The following ABCC1 variants were observed in gnomAD, a reference collection of about 807,000 sequenced individuals.
ABCC1 encodes multidrug resistance-associated protein 1.
ABCC1 carries 83 observed loss-of-function variants against 172.9 expected under a neutral mutation model. The observed-to-expected ratio is 0.48, with a 90% confidence interval of 0.40 to 0.58. The LOEUF (loss-of-function observed/expected upper bound fraction) is 0.58. ABCC1 is among the 20% of genes least tolerant of loss of function. The probability of loss-of-function intolerance (pLI) is 0.00; values close to 1 mark genes in which losing one functional copy is unlikely to be tolerated. For synonymous variants in ABCC1, 937 were observed against 825.2 expected (o/e 1.14, Z -2.32); for missense variants, 1,817 against 2,002.7 (o/e 0.91, Z 1.77).
At chr16:16,088,124 CGTGTGTGTGTGTGTGT>C (rs60633005) in intron 18 of ABCC1, among the ~76,000 whole-genome samples, 1 of 126,722 alleles carries the variant, frequency 7.9e-6, no homozygotes, top group African/African-American at 2.5e-5. Context: ...TGTGTGTATG[CGTGTGTGTGTGTGTGT>C]GTGTGTGTGT....
intron 12 of ABCC1, among the ~76,000 whole-genome samples, chr16:16,057,929 A>G (rs1429183493): frequency 6.6e-6 from 1 of 152,042 alleles, no homozygotes; most frequent in African/African-American, 2.4e-5. Context: ...GTGCACTGCT[A>G]CCACTCCCAG....
chr16:16,006,878 G>A (rs561084783), intron 1 of ABCC1, among the ~76,000 whole-genome samples: 14 of 143,336 alleles, frequency 9.8e-5, no homozygotes, highest in East Asian at 7.9e-4. Context: ...TGGCGGTGGC[G>A]GTGATGGTGG....
chr16:16,043,784 T>G (rs996052078), intron 7 of ABCC1, among the ~76,000 whole-genome samples: 1 of 151,944 alleles, frequency 6.6e-6, no homozygotes, highest in Non-Finnish European at 1.5e-5. Flanking sequence ...GTATTTTTAG[T>G]AGAGATGGGG....
intron 20 of ABCC1, among the ~76,000 whole-genome samples, chr16:16,104,613 G>A (rs2051977732): frequency 6.6e-6 from 1 of 152,230 alleles, no homozygotes. Context: ...TCACCAGGTG[G>A]ATGCCACACT....
intron 19 of ABCC1, chr16:16,098,225 A>T (rs1479618193): frequency 6.4e-6 from 1 of 155,364 alleles, no homozygotes; most frequent in East Asian, 1.9e-4. Flanking sequence ...TGGCCTGCCT[A>T]CTGTAATACT....
At chr16:16,090,384 G>A (rs1375315989) in intron 18 of ABCC1, 21 bp from the exon 19 acceptor site, 6 of 1,563,840 alleles carry the variant, frequency 3.8e-6, no homozygotes, top group South Asian at 2.4e-5. Context: ...TCACGTGGCC[G>A]GGTGTCCCCT....
chr16:16,024,507 A>G (rs2048306318), intron 5 of ABCC1, among the ~76,000 whole-genome samples: 2 of 152,216 alleles, frequency 1.3e-5, no homozygotes, highest in South Asian at 4.1e-4. Context: ...GCGTGCCACC[A>G]CGCCCAAGTA....
At chr16:16,107,020 CTG>C (rs2052152134) in intron 21 of ABCC1, 147 bp downstream of exon 21, 2 of 1,257,440 alleles carry the variant, frequency 1.6e-6, no homozygotes, top group Non-Finnish European at 2.2e-6. Flanking sequence ...GCACCAGAAA[CTG>C]AGGCCAGAGA....
chr16:16,111,699 C>A, intron 22 of ABCC1, 117 bp downstream of exon 22: 1 of 902,712 alleles, frequency 1.1e-6, no homozygotes, highest in South Asian at 1.7e-5. Flanking sequence ...CCAAGCCAAA[C>A]CCAGAAAAAT....
intron 4 of ABCC1, 82 bp downstream of exon 4, chr16:16,014,710 C>A: frequency 4.0e-6 from 6 of 1,512,836 alleles, no homozygotes; most frequent in Non-Finnish European, 5.4e-6. Context: ...GTGTAGAAGT[C>A]ATGCGTTGCC....
At chr16:16,010,088 G>C (rs1202391476) in intron 3 of ABCC1, among the ~76,000 whole-genome samples, 187 bp downstream of exon 3, 3 of 117,004 alleles carry the variant, frequency 2.6e-5, no homozygotes, top group Non-Finnish European at 4.8e-5. Context: ...CTTTCATCCA[G>C]GCTGGAGTGC....
chr16:15,949,343 T>C (rs1034973437), upstream of ABCC1, among the ~76,000 whole-genome samples: 4 of 151,850 alleles, frequency 2.6e-5, no homozygotes, highest in Non-Finnish European at 5.9e-5. Context: ...GCAGGGTGTG[T>C]GGCCCCAAAG....
rs896809102 is a variant in ABCC1, at chr16:16,122,252, G to A, written c.3590+78G>A. On this transcript the variant is annotated intron_variant, in intron 24 of 30. Transcript: ENST00000399410. ...GTCTCTTTGCCTCGATCTTTTCCTC[G>A]CACCTTGAGCTGGGTATAAAGCCAA... The A allele has an allele frequency of 1.2e-5, 18 of 1,510,012 alleles. No homozygotes were observed. The African/African-American group carries it at 1.4e-4, about 12-fold the overall frequency. 93.5% of individuals were successfully genotyped at this position (1,510,012 alleles called of 1,614,324 possible). A position where few individuals can be genotyped will look rare whatever the true frequency, so the allele number is the denominator to read the frequency against.
At chr16:16,045,703 C>T in intron 8 of ABCC1, 133 bp from the exon 9 acceptor site, 1 of 913,410 alleles carries the variant, frequency 1.1e-6, no homozygotes, top group Non-Finnish European at 1.6e-6. Context: ...ACTTGTTTTT[C>T]CATCTATGAA....
intron 1 of ABCC1, among the ~76,000 whole-genome samples, chr16:15,999,836 C>T (rs1304323294): frequency 4.7e-4 from 8 of 16,850 alleles, no homozygotes; most frequent in African/African-American, 1.5e-3. Context: ...CTCTCTCTGT[C>T]TCTTTCTTTC....
chr16:16,106,476 C>A (rs1224517213), intron 20 of ABCC1: 2 of 364,596 alleles, frequency 5.5e-6, no homozygotes, highest in African/African-American at 2.1e-5. Context: ...TTTTGCAGGC[C>A]CCCAGAGATC....
rs946234320 is a variant in ABCC1 at position 16,134,379 on chromosome 16, G to A, written c.3996G>A (p.Gly1332=). 10 of 1,613,984 alleles carry A rather than the reference G, an allele frequency of 6.2e-6. No homozygotes were observed. The highest frequency in any genetic ancestry group is 1.1e-5 in the South Asian group (1 of 91,082). Residue 1332 remains glycine, a synonymous_variant, in exon 28 of 31, where the codon GGG becomes GGA. Coordinates refer to ENST00000399410, the MANE Select transcript of ABCC1 (RefSeq NM_004996.4). ...KVGIVGRTGA[G]KSSLTLGLFR... is the part of the protein sequence containing the mutation. The stretch of plus-strand genomic sequence containing the variant: ...GCATCGTGGGGCGGACGGGAGCTGG[G>A]AAGTCGTCCCTGACCCTGGGCTTAT...
rs112254171 is a variant in ABCC1, at chr16:16,101,391, C to G, written c.2645-1236C>G. Among the ~76,000 whole-genome samples, 1,324 of 152,258 alleles carry G rather than the reference C, an allele frequency of 8.7e-3. 16 individuals are homozygous for G. Among genetic ancestry groups the G allele is most frequent in the African/African-American group, 0.029 (1,221 of 41,542 alleles). On this transcript the variant is annotated intron_variant, in intron 19 of 30. Coordinates refer to ENST00000399410, the MANE Select transcript of ABCC1 (RefSeq NM_004996.4). Reference sequence around the variant, plus strand: ...TCATTTACAACCAAGACTGAGAATTCCTGGCATGGAGTGCCTCCCTCTGTC... The same window carrying G: ...TCATTTACAACCAAGACTGAGAATTGCTGGCATGGAGTGCCTCCCTCTGTC...
At chr16:15,989,175 C>T (rs116256723) in intron 1 of ABCC1, among the ~76,000 whole-genome samples, 2,387 of 151,998 alleles carry the variant, frequency 0.016, 57 homozygotes, top group African/African-American at 0.055. Context: ...CAAGGATGGC[C>T]GTGCCCCTGC....
Sources: allele counts gnomAD v4.1 joint callset (sites outside exome capture counted in the v4.1 genomes callset), GRCh38; gene constraint gnomAD v4.1.1; transcripts MANE v1.5; gene names NCBI Gene and HGNC (gene_info 2026-07-23, HGNC 2026-07-21).